Variants in LRRTM3 observed in about 807,000 individuals in gnomAD.
The protein encoded by LRRTM3 is leucine-rich repeat transmembrane neuronal protein 3.
A neutral mutation model predicts 44.7 loss-of-function variants in LRRTM3; 24 were observed. The ratio of observed to expected loss-of-function variants is 0.54; its 90% CI spans 0.39 to 0.76. The LOEUF (loss-of-function observed/expected upper bound fraction) is 0.76. Among genes scored for constraint, LRRTM3 ranks in the 30% least tolerant of loss-of-function variants. The pLI, the probability that LRRTM3 is intolerant of heterozygous loss-of-function variation, is 0.00. For synonymous variants in LRRTM3, 277 were observed against 278.7 expected, an observed-to-expected ratio of 0.99 and a Z score of 0.06; for missense variants, 587 against 702.2, an observed-to-expected ratio of 0.84 and a Z score of 1.85.
At chr10:67,065,321 C>T (rs1249935515) in intron 2 of LRRTM3, among the ~76,000 whole-genome samples, 1 of 152,038 alleles carries the variant, frequency 6.6e-6, no homozygotes. Flanking sequence ...CCTATCTTCA[C>T]AGAGTTGTGA....
chr10:66,964,072 G>A (rs186839646), intron 2 of LRRTM3, among the ~76,000 whole-genome samples: 9 of 151,738 alleles, frequency 5.9e-5, no homozygotes, highest in Middle Eastern at 3.4e-3. Flanking sequence ...GGATGGTCTC[G>A]ATCTTCTGAC....
intron 2 of LRRTM3, among the ~76,000 whole-genome samples, chr10:67,088,756 A>C (rs1857449074): frequency 1.3e-5 from 2 of 152,060 alleles, no homozygotes; most frequent in Admixed American, 6.6e-5. Flanking sequence ...TGTTCCTGCA[A>C]AAAATATTTT....
intron 2 of LRRTM3, among the ~76,000 whole-genome samples, chr10:67,015,970 T>G (rs1201282877): frequency 1.3e-5 from 2 of 152,270 alleles, no homozygotes; most frequent in African/African-American, 4.8e-5. Flanking sequence ...TTTTTTCATT[T>G]CCATTTTCAT....
chr10:67,018,312 C>T (rs1852787161), intron 2 of LRRTM3, among the ~76,000 whole-genome samples: 1 of 152,138 alleles, frequency 6.6e-6, no homozygotes, highest in African/African-American at 2.4e-5. Flanking sequence ...CGCTTTCACC[C>T]ATTTCTGATT....
chr10:67,007,119 G>A (rs1206392496), intron 2 of LRRTM3, among the ~76,000 whole-genome samples: 1 of 152,014 alleles, frequency 6.6e-6, no homozygotes, highest in Non-Finnish European at 1.5e-5. Context: ...ATTATGTATT[G>A]CTTATTGGTT....
chr10:67,080,783 C>A (rs1420826932), intron 2 of LRRTM3, among the ~76,000 whole-genome samples: 1 of 152,030 alleles, frequency 6.6e-6, no homozygotes, highest in East Asian at 1.9e-4. Flanking sequence ...GTGGCGGGCG[C>A]CTGTGGTCCC....
At chr10:66,957,463 T>G (rs1848883238) in intron 2 of LRRTM3, among the ~76,000 whole-genome samples, 1 of 110,628 alleles carries the variant, frequency 9.0e-6, no homozygotes, top group African/African-American at 3.7e-5. Context: ...TATGCATATA[T>G]ATATATGTTT....
chr10:67,072,061 T>G (rs747114426), intron 2 of LRRTM3, among the ~76,000 whole-genome samples: 5 of 152,224 alleles, frequency 3.3e-5, no homozygotes, highest in Non-Finnish European at 5.9e-5. Flanking sequence ...CACGTGATTC[T>G]CATGCTTCAG....
intron 2 of LRRTM3, among the ~76,000 whole-genome samples, chr10:66,932,626 A>T (rs569082687): frequency 6.6e-5 from 10 of 152,164 alleles, no homozygotes. Context: ...TTTGAATGAC[A>T]CAAGTTTTAA....
intron 2 of LRRTM3, among the ~76,000 whole-genome samples, chr10:67,082,219 CT>C (rs1326583906): frequency 6.6e-6 from 1 of 152,064 alleles, no homozygotes; most frequent in Non-Finnish European, 1.5e-5. Flanking sequence ...TTCATTTCCC[CT>C]GTTACATTTA....
In LRRTM3 at chr10:66,927,125, A is replaced by G; in HGVS notation, c.209A>G (p.Tyr70Cys). ...SAGCLGLSLR[Y>C]NSLQKLKYNQ... is the part of the protein sequence containing the mutation. ...GGTTGCTTAGGTTTGTCCCTTCGCTATAACAGCCTTCAAAAACTTAAGTAT... is the reference window on the plus strand; with the variant it reads ...GGTTGCTTAGGTTTGTCCCTTCGCTGTAACAGCCTTCAAAAACTTAAGTAT... The change falls in exon 2 of 3, where the codon TAT (tyrosine) becomes TGT (cysteine). Residue 70 changes from tyrosine (Y) to cysteine (C), a missense_variant. Transcript: ENST00000361320. The surrounding 1 kb of genome is among the most constrained non-coding windows in gnomAD (Gnocchi z 4.7). The G allele has an allele frequency of 6.2e-7, 1 of 1,614,198 alleles. No individual in the cohort carries two copies. The highest frequency in any genetic ancestry group is 8.5e-7 in the Non-Finnish European group (1 of 1,180,036).
intron 2 of LRRTM3, among the ~76,000 whole-genome samples, chr10:67,039,082 T>G (rs1266433970): frequency 6.6e-6 from 1 of 152,036 alleles, no homozygotes; most frequent in South Asian, 2.1e-4. Context: ...TTTTTACAGT[T>G]TCTACCTGTC....
At chr10:66,949,614 G>T (rs774692605) in intron 2 of LRRTM3, among the ~76,000 whole-genome samples, 56 of 151,776 alleles carry the variant, frequency 3.7e-4, no homozygotes, top group African/African-American at 1.3e-3. Flanking sequence ...GACCTGTTAG[G>T]TTGAAAACAT....
chr10:66,968,477 G>A (rs1447464823), intron 2 of LRRTM3, among the ~76,000 whole-genome samples: 1 of 151,434 alleles, frequency 6.6e-6, no homozygotes, highest in Non-Finnish European at 1.5e-5. Context: ...ACCACATTTA[G>A]GAAAGACAAA....
At chr10:66,967,047 A>G (rs1849460264) in intron 2 of LRRTM3, among the ~76,000 whole-genome samples, 1 of 152,090 alleles carries the variant, frequency 6.6e-6, no homozygotes, top group Non-Finnish European at 1.5e-5. Flanking sequence ...AATATTAAGT[A>G]TAACATAGAA....
rs186621663 is a variant in LRRTM3, at chr10:67,061,369, G to A, written c.1537-36218G>A. ...ACAGCACTATTTACAAAATAGAAAC[G>A]TTTGGTTCATCAGCAAAGTAATTTT... is the stretch of plus-strand genomic sequence containing the variant. On this transcript the variant is annotated intron_variant, in intron 2 of 2. Coordinates refer to ENST00000361320, the MANE Select transcript of LRRTM3 (RefSeq NM_178011.5). Among the ~76,000 whole-genome samples the A allele has an allele frequency of 1.3e-3, 198 of 152,248 alleles. 1 individual carries two copies. Among genetic ancestry groups the A allele is most frequent in the African/African-American group, 4.6e-3 (190 of 41,538 alleles).
intron 2 of LRRTM3, among the ~76,000 whole-genome samples, chr10:67,063,535 G>A (rs1227964866): frequency 6.6e-6 from 1 of 152,206 alleles, no homozygotes; most frequent in African/African-American, 2.4e-5. Context: ...AGGTTTAAAT[G>A]GGGAGGTTAT....
chr10:66,985,861 G>A (rs1850701101), intron 2 of LRRTM3, among the ~76,000 whole-genome samples: 1 of 151,960 alleles, frequency 6.6e-6, no homozygotes, highest in Non-Finnish European at 1.5e-5. Context: ...CCAAGTAACT[G>A]GGATTACAGG....
chr10:67,023,335 T>C (rs1853147426), intron 2 of LRRTM3, among the ~76,000 whole-genome samples: 1 of 152,130 alleles, frequency 6.6e-6, no homozygotes, highest in Non-Finnish European at 1.5e-5. Flanking sequence ...CATTCCTCCA[T>C]GAAAAGTTTC....
Sources: gnomAD v4.1 joint callset for allele counts (sites outside exome capture counted in the v4.1 genomes callset) on GRCh38, gnomAD v4.1.1 for gene constraint, Gnocchi (gnomAD v3.1) non-coding constraint, MANE v1.5 for transcripts, NCBI Gene and HGNC (gene_info 2026-07-23, HGNC 2026-07-21) for gene names.